GCSAML: variants seen among roughly 807,000 people sequenced by gnomAD.
The protein encoded by GCSAML is germinal center-associated signaling and motility-like protein.
GCSAML carries 9 observed loss-of-function variants against 13.0 expected under a neutral mutation model. That is an observed-to-expected ratio of 0.69 (90% CI 0.42 to 1.21). The LOEUF is 1.21. Ranked by LOEUF, GCSAML falls within the 50% of genes most tolerant of loss-of-function variation. The pLI is 0.00. For missense variants in GCSAML, 143 were observed against 153.4 expected (o/e 0.93, Z 0.36); for synonymous variants, 37 against 52.9 (o/e 0.70, Z 1.31).
upstream of GCSAML, among the ~76,000 whole-genome samples, chr1:247,548,342 C>T (rs924066644): frequency 6.6e-6 from 1 of 152,178 alleles, no homozygotes; most frequent in African/African-American, 2.4e-5. This position sits in a 1 kb window ranked among gnomAD's most constrained non-coding sequence, Gnocchi z 5.3. Flanking sequence ...GGTGGGCAGC[C>T]TAGGGGAGGA....
At chr1:247,546,393 C>T (rs1307667709), upstream of GCSAML, among the ~76,000 whole-genome samples, 1 of 152,114 alleles carries the variant, frequency 6.6e-6, no homozygotes, top group Non-Finnish European at 1.5e-5. Context: ...GAGTCTCGCT[C>T]TGTCACCCAG....
At chr1:247,522,164 TGA>T (rs1666459917) in intron 1 of GCSAML, among the ~76,000 whole-genome samples, 1 of 150,546 alleles carries the variant, frequency 6.6e-6, no homozygotes. Context: ...ATCTGGAAAG[TGA>T]GGAGCGTCTC....
intron 2 of GCSAML, among the ~76,000 whole-genome samples, chr1:247,532,782 A>C (rs879393989): frequency 6.6e-6 from 1 of 151,904 alleles, no homozygotes; most frequent in Non-Finnish European, 1.5e-5. Context: ...TTTTATACCC[A>C]TTGTTTTCAA....
chr1:247,563,719 A>C, intron 3 of GCSAML, 80 bp downstream of exon 3: 1 of 727,418 alleles, frequency 1.4e-6, no homozygotes, highest in Non-Finnish European at 2.3e-6. Context: ...TCTTGAGCCT[A>C]TTGTAATAAC....
intron 2 of GCSAML, among the ~76,000 whole-genome samples, chr1:247,556,957 C>T (rs528349538): frequency 6.6e-6 from 1 of 152,138 alleles, no homozygotes; most frequent in African/African-American, 2.4e-5. Context: ...CTACCTTCAC[C>T]CACTATCTTA....
In GCSAML at chr1:247,556,467, G is replaced by T. The variant is rs56043070; in HGVS notation, c.89+1G>T. 6.2e-7 allele frequency: 1 copy of T among 1,604,298 alleles called. No individual in the cohort carries two copies. Among genetic ancestry groups the T allele is most frequent in the Admixed American group, 1.7e-5 (1 of 59,408 alleles). ...GAAACCCAGATGAGGAAAGAAAACG[G>T]TAAGAACAGAGCATCTCAGAGTTTT... On this transcript the variant is annotated splice_donor_variant, in intron 2 of 4. Transcript: ENST00000366488. LOFTEE classifies it high-confidence loss of function.
chr1:247,549,428 A>G (rs183580449), intron 1 of GCSAML, among the ~76,000 whole-genome samples: 218 of 152,314 alleles, frequency 1.4e-3, no homozygotes, highest in Non-Finnish European at 2.6e-3. Context: ...AGATGTAGAA[A>G]ACAAAAATAC....
chr1:247,512,040 T>C (rs1202030222), intron 1 of GCSAML, among the ~76,000 whole-genome samples: 1 of 152,186 alleles, frequency 6.6e-6, no homozygotes, highest in Admixed American at 6.5e-5. Context: ...TTCCTGAATT[T>C]GAATGTTGGC....
chr1:247,549,347 C>A, intron 1 of GCSAML, 127 bp downstream of exon 1: 2 of 719,232 alleles, frequency 2.8e-6, no homozygotes, highest in East Asian at 2.6e-5. Context: ...AAGACAGCAT[C>A]CTCTAGGAGC....
chr1:247,542,274 G>T (rs1667440702), intron 2 of GCSAML, among the ~76,000 whole-genome samples: 1 of 152,132 alleles, frequency 6.6e-6, no homozygotes, highest in South Asian at 2.1e-4. Flanking sequence ...GCTACACAGT[G>T]AGACCTTGTC....
intron 4 of GCSAML, among the ~76,000 whole-genome samples, chr1:247,571,905 C>CG (rs1668629486): frequency 1.3e-5 from 2 of 152,042 alleles, no homozygotes; most frequent in African/African-American, 4.8e-5. Flanking sequence ...TGTTCCTTTT[C>CG]ATTTTTTTTT....
intron 1 of GCSAML, among the ~76,000 whole-genome samples, chr1:247,554,546 G>A (rs1312810402): frequency 6.6e-6 from 1 of 151,998 alleles, no homozygotes; most frequent in Non-Finnish European, 1.5e-5. Flanking sequence ...GTTTTCTTAT[G>A]AATGTATTTT....
chr1:247,541,680 T>C (rs1667416506), intron 2 of GCSAML, among the ~76,000 whole-genome samples: 1 of 152,186 alleles, frequency 6.6e-6, no homozygotes, highest in South Asian at 2.1e-4. Flanking sequence ...GGGATTTCTA[T>C]TTTTAAGAAT....
At chr1:247,554,835 A>G (rs1439064233) in intron 1 of GCSAML, among the ~76,000 whole-genome samples, 1 of 152,196 alleles carries the variant, frequency 6.6e-6, no homozygotes, top group East Asian at 1.9e-4. Flanking sequence ...TCATAAGTCA[A>G]CATCCAACAT....
intron 3 of GCSAML, among the ~76,000 whole-genome samples, chr1:247,565,218 C>T (rs1668295085): frequency 6.6e-6 from 1 of 152,020 alleles, no homozygotes; most frequent in African/African-American, 2.4e-5. Flanking sequence ...ATTAGCTGGG[C>T]ATGGTGGCAT....
At chr1:247,572,949 C>T (rs1160593934) in intron 4 of GCSAML, among the ~76,000 whole-genome samples, 1 of 152,200 alleles carries the variant, frequency 6.6e-6, no homozygotes, top group Non-Finnish European at 1.5e-5. Context: ...CCCAAATTCC[C>T]CTGCGGCTTT....
intron 2 of GCSAML, among the ~76,000 whole-genome samples, chr1:247,542,048 A>T (rs1667433669): frequency 6.6e-6 from 1 of 152,026 alleles, no homozygotes; most frequent in Non-Finnish European, 1.5e-5. Flanking sequence ...AGAAAAGATG[A>T]ATAGACAAAC....
rs2103327090 is a variant in GCSAML at position 247,527,671 on chromosome 1, C to CAT, written c.-148+619_-148+620dup. 1 of 152,460 alleles carries CAT rather than the reference C, an allele frequency of 6.6e-6. No individual in the cohort carries two copies. The highest frequency in any genetic ancestry group is 1.5e-5 in the Non-Finnish European group (1 of 68,174). 9.4% of individuals were successfully genotyped at this position (152,460 alleles called of 1,614,324 possible). ...GGGTAAACAGTGATGTTTGGAAGCA[C>CAT]ATAATGTATAGTGATCAGATAAGTG... is the stretch of plus-strand genomic sequence containing the variant. On this transcript the variant is annotated intron_variant, in intron 2 of 5. Coordinates refer to the GCSAML transcript ENST00000366489. This position sits in a 1 kb window ranked among gnomAD's most constrained non-coding sequence, Gnocchi z 4.6.
intron 1 of GCSAML, among the ~76,000 whole-genome samples, chr1:247,524,120 T>G (rs1271302753): frequency 6.6e-6 from 1 of 152,168 alleles, no homozygotes; most frequent in Non-Finnish European, 1.5e-5. Flanking sequence ...GCAGGCCATT[T>G]CTAAGCATAA....
Sources: gnomAD v4.1 joint callset for allele counts (sites outside exome capture counted in the v4.1 genomes callset) on GRCh38, gnomAD v4.1.1 for gene constraint, Gnocchi (gnomAD v3.1) non-coding constraint, MANE v1.5 for transcripts, NCBI Gene and HGNC (gene_info 2026-07-23, HGNC 2026-07-21) for gene names.